The following PITPNC1 variants were observed in gnomAD, a reference collection of about 807,000 sequenced individuals.
The protein encoded by PITPNC1 is cytoplasmic phosphatidylinositol transfer protein 1.
In PITPNC1, 18 loss-of-function variants were observed where a neutral mutation model predicts 44.7. The ratio of observed to expected loss-of-function variants is 0.40; its 90% CI spans 0.28 to 0.60. PITPNC1 has a LOEUF of 0.60. Among genes scored for constraint, PITPNC1 ranks in the 20% least tolerant of loss-of-function variants. The probability of loss-of-function intolerance (pLI) is 0.39; values close to 1 mark genes in which losing one functional copy is unlikely to be tolerated. For synonymous variants in PITPNC1, 141 were observed against 149.6 expected, an observed-to-expected ratio of 0.94 and a Z score of 0.42; for missense variants, 290 against 418.4, an observed-to-expected ratio of 0.69 and a Z score of 2.68.
intron 6 of PITPNC1, among the ~76,000 whole-genome samples, chr17:67,645,665 T>C (rs2042140901): frequency 6.6e-6 from 1 of 152,218 alleles, no homozygotes; most frequent in Non-Finnish European, 1.5e-5. Context: ...CTTTGAATTT[T>C]GTTCTGTCTG....
rs1281830078 is a variant in PITPNC1 at position 67,523,806 on chromosome 17, C to CCTTTTT, written c.49-8996_49-8995insCTTTTT. 2.2e-4 allele frequency among the ~76,000 whole-genome samples: 28 copies of CCTTTTT among 127,576 alleles called. 3 individuals are homozygous for CCTTTTT. The highest frequency in any genetic ancestry group is 2.3e-4 in the East Asian group (1 of 4,292). 83.7% of individuals were successfully genotyped at this position (127,576 alleles called of 152,430 possible). On this transcript the variant is annotated intron_variant, in intron 1 of 8. Coordinates refer to ENST00000581322, the MANE Select transcript of PITPNC1 (RefSeq NM_012417.4). Reference sequence around the variant, plus strand: ...CACCAGCTCAGAAATACATGGAAACCGTTTTTTTTTTTTTTTTTTTTTTTA... The same window carrying CCTTTTT: ...CACCAGCTCAGAAATACATGGAAACCCTTTTTGTTTTTTTTTTTTTTTTTTTTTTTA...
intron 1 of PITPNC1, among the ~76,000 whole-genome samples, chr17:67,492,712 C>T (rs933216904): frequency 2.0e-5 from 3 of 152,128 alleles, no homozygotes; most frequent in Non-Finnish European, 4.4e-5. Context: ...TGATTTCTAA[C>T]GCCGGGGATA....
intron 5 of PITPNC1, among the ~76,000 whole-genome samples, chr17:67,620,529 C>T (rs4791279): frequency 0.54 from 82,391 of 151,982 alleles, 25,622 homozygotes; most frequent in Non-Finnish European, 0.69. Flanking sequence ...ATCCCTGCTG[C>T]ATAGGCTTGT....
At chr17:67,413,481 G>A (rs924087223) in intron 1 of PITPNC1, among the ~76,000 whole-genome samples, 7 of 129,880 alleles carry the variant, frequency 5.4e-5, no homozygotes, top group African/African-American at 1.9e-4. Context: ...GGGGCTTCTC[G>A]CTATGCTCAG....
chr17:67,688,197 G>A (rs2042852823), intron 8 of PITPNC1, among the ~76,000 whole-genome samples: 1 of 151,606 alleles, frequency 6.6e-6, no homozygotes, highest in South Asian at 2.1e-4. Flanking sequence ...AATTAGCTGG[G>A]TGTGGTGGCG....
intron 5 of PITPNC1, among the ~76,000 whole-genome samples, chr17:67,608,343 ACCTG>A (rs2041640323): frequency 6.6e-6 from 1 of 152,116 alleles, no homozygotes; most frequent in Non-Finnish European, 1.5e-5. Flanking sequence ...TTCAAGTCCA[ACCTG>A]AGCAACATAG....
intron 4 of PITPNC1, among the ~76,000 whole-genome samples, chr17:67,565,153 T>C (rs2040958114): frequency 6.6e-6 from 1 of 152,188 alleles, no homozygotes; most frequent in South Asian, 2.1e-4. Context: ...TGTATACTCA[T>C]TTGCCATGTT....
chr17:67,643,796 A>C (rs78174032), intron 6 of PITPNC1, among the ~76,000 whole-genome samples: 3,016 of 152,336 alleles, frequency 0.02, 208 homozygotes, highest in Admixed American at 0.13. Context: ...GCACACAGTA[A>C]GCATTTCATA....
chr17:67,519,314 C>T (rs1457812370), intron 1 of PITPNC1, among the ~76,000 whole-genome samples: 4 of 151,476 alleles, frequency 2.6e-5, no homozygotes, highest in South Asian at 2.1e-4. Flanking sequence ...GTAGCTGGGA[C>T]TACAGGCGTG....
intron 6 of PITPNC1, among the ~76,000 whole-genome samples, chr17:67,669,083 A>G (rs2042469983): frequency 6.6e-6 from 1 of 151,920 alleles, no homozygotes; most frequent in African/African-American, 2.4e-5. Context: ...CATGTCAACT[A>G]CTAATCTACT....
intron 1 of PITPNC1, among the ~76,000 whole-genome samples, chr17:67,503,894 T>C (rs2040068085): frequency 1.3e-5 from 2 of 152,162 alleles, no homozygotes. Flanking sequence ...TGACCAGAAG[T>C]GATTGTTTCC....
rs1296137421 is a variant in PITPNC1 at position 67,696,836 on chromosome 17, G to T, written c.*3948G>T. On this transcript the variant is annotated 3_prime_UTR_variant, in exon 9 of 9. Coordinates refer to ENST00000581322, the MANE Select transcript of PITPNC1 (RefSeq NM_012417.4). ...TGCCATTAATAATTGTAATTTTGTTGTTAAATTAACAAGGACTTTAGGATA... is the reference window on the plus strand; with the variant it reads ...TGCCATTAATAATTGTAATTTTGTTTTTAAATTAACAAGGACTTTAGGATA... 1 of 150,644 alleles carries T rather than the reference G, an allele frequency of 6.6e-6. No homozygotes were observed. Among genetic ancestry groups the T allele is most frequent in the Admixed American group, 6.7e-5 (1 of 14,952 alleles). 9.3% of individuals were successfully genotyped at this position (150,644 alleles called of 1,614,324 possible).
intron 1 of PITPNC1, among the ~76,000 whole-genome samples, chr17:67,472,276 G>T (rs542738853): frequency 1.6e-5 from 2 of 127,610 alleles, no homozygotes; most frequent in South Asian, 2.8e-4. Context: ...ATTGGAAGAA[G>T]AATTGTCTTG....
intron 1 of PITPNC1, among the ~76,000 whole-genome samples, chr17:67,463,854 A>G (rs1418210932): frequency 6.6e-6 from 1 of 151,816 alleles, no homozygotes; most frequent in Non-Finnish European, 1.5e-5. Context: ...TTGCAGCACC[A>G]CTGCACTCCA....
At chr17:67,672,835 T>A (rs1375802787) in intron 7 of PITPNC1, among the ~76,000 whole-genome samples, 2 of 152,056 alleles carry the variant, frequency 1.3e-5, no homozygotes, top group Non-Finnish European at 2.9e-5. Context: ...GAGGCTAGCA[T>A]TTGCATGGGT....
At chr17:67,633,803 C>T (rs565208722) in intron 6 of PITPNC1, among the ~76,000 whole-genome samples, 3 of 152,368 alleles carry the variant, frequency 2.0e-5, no homozygotes, top group South Asian at 2.1e-4. Flanking sequence ...CGGGCCCCCC[C>T]GGGCTGCTGT....
At chr17:67,570,086 C>T (rs1455562593) in intron 4 of PITPNC1, among the ~76,000 whole-genome samples, 1 of 152,086 alleles carries the variant, frequency 6.6e-6, no homozygotes, top group Non-Finnish European at 1.5e-5. Context: ...CAAGGGTTCC[C>T]AACTTCTGTT....
intron 2 of PITPNC1, among the ~76,000 whole-genome samples, chr17:67,545,025 A>T (rs2040658677): frequency 6.6e-6 from 1 of 152,150 alleles, no homozygotes; most frequent in Non-Finnish European, 1.5e-5. Flanking sequence ...AAAAATACTT[A>T]TTGAGGCCGG....
intron 1 of PITPNC1, among the ~76,000 whole-genome samples, chr17:67,415,476 C>T (rs549346820): frequency 2.6e-5 from 4 of 152,284 alleles, no homozygotes; most frequent in Admixed American, 6.5e-5. Context: ...ATTTAAAGTC[C>T]GCCTGGACTG....
Sources: gnomAD v4.1 joint callset for allele counts (sites outside exome capture counted in the v4.1 genomes callset) on GRCh38, gnomAD v4.1.1 for gene constraint, MANE v1.5 for transcripts, NCBI Gene and HGNC (gene_info 2026-07-23, HGNC 2026-07-21) for gene names.